The following ANKRD33 variants were observed in gnomAD, a reference collection of about 807,000 sequenced individuals.
The protein encoded by ANKRD33 is photoreceptor ankyrin repeat protein.
A neutral mutation model predicts 20.6 loss-of-function variants in ANKRD33; 20 were observed. That is an observed-to-expected ratio of 0.97 (90% confidence interval 0.68 to 1.41). The LOEUF (loss-of-function observed/expected upper bound fraction) is 1.41, where lower values mean the gene tolerates loss of function less well. Among genes scored for constraint, ANKRD33 ranks in the 40% most tolerant of loss-of-function variants. The pLI is 0.00. For synonymous variants in ANKRD33, 246 were observed against 245.0 expected (o/e 1.00, Z -0.04); for missense variants, 545 against 579.6 (o/e 0.94, Z 0.61).
At position 51,891,110 on chromosome 12, in the gene ANKRD33, A is replaced by G. The variant is rs1490665444; in HGVS notation, c.1164A>G (p.Gln388=). The part of the protein sequence containing the change: ...GILSKCLQWL[Q]PRDSTSPRPQ... ...TGAGCAAGTGCCTTCAGTGGCTACA[A>G]CCCAGGGATAGCACCAGCCCCAGGC... Residue 388 remains glutamine (Q), a synonymous_variant, in exon 5 of 5, where the codon CAA becomes CAG. Coordinates refer to ENST00000301190, the MANE Select transcript of ANKRD33 (RefSeq NM_182608.4). 1 of 1,613,536 alleles carries G rather than the reference A, an allele frequency of 6.2e-7. No individual in the cohort carries two copies. The highest frequency in any genetic ancestry group is 1.7e-5 in the Admixed American group (1 of 59,956).
chr12:51,889,612 G>A, intron 4 of ANKRD33, 130 bp downstream of exon 4: 1 of 1,443,260 alleles, frequency 6.9e-7, no homozygotes, highest in Admixed American at 2.5e-5. Flanking sequence ...AAAGGAGAGA[G>A]GTGGAGATGG....
rs1456630350 is a variant in ANKRD33, at chr12:51,889,867, C to A, written c.637+385C>A. 14 of 255,688 alleles carry A rather than the reference C, an allele frequency of 5.5e-5. 1 individual carries two copies. Among genetic ancestry groups the A allele is most frequent in the Middle Eastern group, 1.4e-3 (1 of 714 alleles). The allele number at this position is 255,688 out of a possible 1,614,324, so 15.8% of individuals were successfully genotyped here. A position where few individuals can be genotyped will look rare whatever the true frequency, so the allele number is the denominator to read the frequency against. ...CTCACCAGTATTGTGAGGGTGTTAGCTTTCCCTGGGACTACCTCCAACTCT... is the reference window on the plus strand; with the variant it reads ...CTCACCAGTATTGTGAGGGTGTTAGATTTCCCTGGGACTACCTCCAACTCT... On this transcript the variant is annotated intron_variant, in intron 4 of 4. Coordinates refer to ENST00000301190, the MANE Select transcript of ANKRD33 (RefSeq NM_182608.4).
At chr12:51,890,269 C>T (rs1940370048) in intron 4 of ANKRD33, 1 of 528,932 alleles carries the variant, frequency 1.9e-6, no homozygotes. Context: ...GAGGGTGCAG[C>T]TCAGGCCTCT....
At position 51,891,654 on chromosome 12, in the gene ANKRD33, G is replaced by A; in HGVS notation, c.*349G>A. 1 of 294,728 alleles carries A rather than the reference G, an allele frequency of 3.4e-6. No homozygotes were observed. Among genetic ancestry groups the A allele is most frequent in the Non-Finnish European group, 6.3e-6 (1 of 158,070 alleles). 18.3% of individuals were successfully genotyped at this position (294,728 alleles called of 1,614,324 possible). ...TATAAAGTAAAAATAACTAAGGAGTGGAACAGTGTATATGGCATATTATTA... is the reference window on the plus strand; with the variant it reads ...TATAAAGTAAAAATAACTAAGGAGTAGAACAGTGTATATGGCATATTATTA... On this transcript the variant is annotated 3_prime_UTR_variant, in exon 5 of 5. Coordinates refer to ENST00000301190, the MANE Select transcript of ANKRD33 (RefSeq NM_182608.4).
Position 51,888,533 on chromosome 12 carries a change from A to G in ANKRD33, c.146-35A>G, listed in dbSNP as rs768683415. 2.6e-6 allele frequency: 4 copies of G among 1,547,402 alleles called. No individual in the cohort carries two copies. In the African/African-American group the frequency reaches 5.5e-5, roughly 21 times the overall value. Reference sequence around the variant, plus strand: ...TGGGTCCCCTCCCTAGGATCCAGGGAGACACTCACTACTCCTCTCCATTCT... The same window carrying G: ...TGGGTCCCCTCCCTAGGATCCAGGGGGACACTCACTACTCCTCTCCATTCT... On this transcript the variant is annotated intron_variant, in intron 1 of 4. Transcript: ENST00000301190.
intron 1 of ANKRD33, 43 bp downstream of exon 1, chr12:51,888,374 G>A (rs1454269673): frequency 6.2e-7 from 1 of 1,612,250 alleles, no homozygotes; most frequent in African/African-American, 1.3e-5. Context: ...TCTCACTGGG[G>A]TGCTGACCTA....
At chr12:51,889,244 A>G (rs1940327557) in intron 3 of ANKRD33, 48 bp downstream of exon 3, 1 of 1,613,296 alleles carries the variant, frequency 6.2e-7, no homozygotes, top group Non-Finnish European at 8.5e-7. Context: ...TTTGATGCAG[A>G]CAGGGCCTCA....
In ANKRD33 at chr12:51,890,828, C is replaced by T. The variant is rs766313305; in HGVS notation, c.882C>T (p.Pro294=). The T allele has an allele frequency of 9.3e-6, 15 of 1,611,262 alleles. No individual in the cohort carries two copies. The highest frequency in any genetic ancestry group is 1.7e-5 in the Admixed American group (1 of 59,974). The change falls in exon 5 of 5, where the codon CCC becomes CCT. Residue 294 remains proline, a synonymous_variant. Transcript: ENST00000301190. ...LERLQATLSL[P]FAPSPQEGGV... is the part of the protein sequence containing the mutation. ...GGCTGCAGGCTACCTTGAGCCTCCC[C>T]TTTGCCCCGTCTCCTCAGGAGGGGG...
chr12:51,890,272 A>G lies in ANKRD33; in HGVS notation c.638-312A>G, dbSNP rs1940370165. The G allele has an allele frequency of 7.5e-6, 4 of 531,968 alleles. No individual in the cohort carries two copies. In the Admixed American group the frequency reaches 1.1e-4, roughly 14 times the overall value. The allele number at this position is 531,968 out of a possible 1,614,324, so 33.0% of individuals were successfully genotyped here. A position where few individuals can be genotyped will look rare whatever the true frequency, so the allele number is the denominator to read the frequency against. On this transcript the variant is annotated intron_variant, in intron 4 of 4. Coordinates refer to ENST00000301190, the MANE Select transcript of ANKRD33 (RefSeq NM_182608.4). ...CCACCTGCCCCAGAGGGTGCAGCTC[A>G]GGCCTCTGCCTGTCCTGGGCAGCCT...
intron 4 of ANKRD33, chr12:51,889,783 A>G (rs1940350990): frequency 2.1e-6 from 1 of 466,106 alleles, no homozygotes; most frequent in East Asian, 4.3e-5. Context: ...CTAACACGAA[A>G]AAAGGCTGGC....
At position 51,891,398 on chromosome 12, in the gene ANKRD33, C is replaced by A. The variant is rs1055316361; in HGVS notation, c.*93C>A. The A allele has an allele frequency of 3.4e-6, 5 of 1,483,938 alleles. No individual in the cohort carries two copies. Among genetic ancestry groups the A allele is most frequent in the African/African-American group, 1.4e-5 (1 of 71,116 alleles). 91.9% of individuals were successfully genotyped at this position (1,483,938 alleles called of 1,614,324 possible). On this transcript the variant is annotated 3_prime_UTR_variant, in exon 5 of 5. Coordinates refer to ENST00000301190, the MANE Select transcript of ANKRD33 (RefSeq NM_182608.4). ...GAGTGCCTCCGGCCTCCCCATCCAC[C>A]TCTGCCTAAGTAAATCTGCTCTCAA...
Position 51,891,277 on chromosome 12 carries a change from A to G in ANKRD33, c.1331A>G (p.Glu444Gly). Residue 444 changes from glutamate (E) to glycine (G), a missense_variant, in exon 5 of 5, where the codon GAG (glutamate) becomes GGG (glycine). Glu to Gly is a moderately conservative substitution (Grantham distance 98). Transcript: ENST00000301190. ...QELRIEKRKQ[E>G]EEARMAQK The stretch of plus-strand genomic sequence containing the variant: ...CTCAGGATAGAGAAGAGGAAACAGG[A>G]GGAGGAGGCCAGAATGGCACAGAAG... The G allele has an allele frequency of 6.2e-7, 1 of 1,614,198 alleles. No homozygotes were observed. The highest frequency in any genetic ancestry group is 1.7e-5 in the Admixed American group (1 of 60,022).
Position 51,891,417 on chromosome 12 carries a change from C to G in ANKRD33, c.*112C>G. ...ATCCACCTCTGCCTAAGTAAATCTG[C>G]TCTCAACCTATATATATACAAGGTC... On this transcript the variant is annotated 3_prime_UTR_variant, in exon 5 of 5. Coordinates refer to ENST00000301190, the MANE Select transcript of ANKRD33 (RefSeq NM_182608.4). The G allele has an allele frequency of 1.4e-6, 2 of 1,431,364 alleles. No homozygotes were observed. Among genetic ancestry groups the G allele is most frequent in the Non-Finnish European group, 1.8e-6 (2 of 1,084,478 alleles). The allele number at this position is 1,431,364 out of a possible 1,614,324, so 88.7% of individuals were successfully genotyped here.
rs764761884 is a variant in ANKRD33 at position 51,890,614 on chromosome 12, G to A, written c.668G>A (p.Arg223Gln). Residue 223 changes from arginine (R) to glutamine (Q), a missense_variant, in exon 5 of 5, where the codon CGG becomes CAG. Transcript: ENST00000301190. ...CADLTAVDPV[R>Q]GKTALEWAVL... ...GACCTGACAGCAGTGGACCCTGTTC[G>A]GGGCAAGACGGCCCTGGAATGGGCA... The A allele has an allele frequency of 7.5e-6, 12 of 1,610,424 alleles. No homozygotes were observed. The Admixed American group carries it at 8.3e-5, about 11-fold the overall frequency.
In ANKRD33 at chr12:51,890,865, C is replaced by G; in HGVS notation, c.919C>G (p.His307Asp). 1 of 1,613,230 alleles carries G rather than the reference C, an allele frequency of 6.2e-7. No homozygotes were observed. The highest frequency in any genetic ancestry group is 8.5e-7 in the Non-Finnish European group (1 of 1,179,942). Reference sequence around the variant, plus strand: ...TCCTCAGGAGGGGGGTGTTCTGGACCACCTTGTGACTGCCACAACCAGCCT... The same window carrying G: ...TCCTCAGGAGGGGGGTGTTCTGGACGACCTTGTGACTGCCACAACCAGCCT... ...PSPQEGGVLD[H>D]LVTATTSLAS... Residue 307 changes from histidine to aspartate, a missense_variant, in exon 5 of 5, where the codon CAC becomes GAC. Coordinates refer to ENST00000301190, the MANE Select transcript of ANKRD33 (RefSeq NM_182608.4).
At position 51,888,302 on chromosome 12, in the gene ANKRD33, A is replaced by T; in HGVS notation, c.116A>T (p.Asp39Val). The change falls in exon 1 of 5, where the codon GAC becomes GTC. Residue 39 changes from aspartate to valine, a missense_variant. Physicochemically the swap from Asp to Val is radical, Grantham distance 152. Coordinates refer to ENST00000301190, the MANE Select transcript of ANKRD33 (RefSeq NM_182608.4). ...GGAGCCTGGGCTGTGCCCCGCGTTG[A>T]CTGCCTCATAGATACCCTACGAACC... Reference protein sequence around the residue: ...LRGAWAVPRVDCLIDTLRTPN... With the variant: ...LRGAWAVPRVVCLIDTLRTPN... 1.9e-6 allele frequency: 3 copies of T among 1,613,878 alleles called. No homozygotes were observed. The East Asian group carries it at 6.7e-5, about 36-fold the overall frequency.
chr12:51,890,828 CT>C lies in ANKRD33; in HGVS notation c.885del (p.Phe295LeufsTer15), dbSNP rs1940401626. The C allele has an allele frequency of 6.2e-7, 1 of 1,611,262 alleles. No individual in the cohort carries two copies. The highest frequency in any genetic ancestry group is 1.3e-5 in the African/African-American group (1 of 74,920). On this transcript the variant is annotated frameshift_variant, in exon 5 of 5. Transcript: ENST00000301190. LOFTEE classifies it low-confidence loss of function (END_TRUNC). ...GGCTGCAGGCTACCTTGAGCCTCCC[CT>C]TTGCCCCGTCTCCTCAGGAGGGGGG... Reference protein sequence around the residue: ...ERLQATLSLPFAPSPQEGGVL... With the variant: ...ERLQATLSLPXAPSPQEGGVL...
intron 4 of ANKRD33, 103 bp downstream of exon 4, chr12:51,889,585 G>A: frequency 6.7e-7 from 1 of 1,492,184 alleles, no homozygotes; most frequent in Non-Finnish European, 8.9e-7. Context: ...CACTAAGTCA[G>A]CTGTGATTAT....
rs1272773099 is a variant in ANKRD33 at position 51,891,530 on chromosome 12, G to A, written c.*225G>A. 5 of 700,854 alleles carry A rather than the reference G, an allele frequency of 7.1e-6. No individual in the cohort carries two copies. The highest frequency in any genetic ancestry group is 2.8e-5 in the East Asian group (1 of 36,088). 43.4% of individuals were successfully genotyped at this position (700,854 alleles called of 1,614,324 possible). On this transcript the variant is annotated 3_prime_UTR_variant, in exon 5 of 5. Coordinates refer to ENST00000301190, the MANE Select transcript of ANKRD33 (RefSeq NM_182608.4). Reference sequence around the variant, plus strand: ...GGGACAGGCTAGATTGATTACGGATGTAATTGCTGTCCATCCATACAGAGC... The same window carrying A: ...GGGACAGGCTAGATTGATTACGGATATAATTGCTGTCCATCCATACAGAGC...
Sources: gnomAD v4.1 joint callset for allele counts on GRCh38, gnomAD v4.1.1 for gene constraint, MANE v1.5 for transcripts, NCBI Gene and HGNC (gene_info 2026-07-23, HGNC 2026-07-21) for gene names.